LRMDA: variants seen among roughly 807,000 people sequenced by gnomAD.
The protein encoded by LRMDA is leucine rich melanocyte differentiation associated.
LRMDA carries 18 observed loss-of-function variants against 29.8 expected under a neutral mutation model. That is an observed-to-expected ratio of 0.60 (90% confidence interval 0.42 to 0.90). The LOEUF is 0.90. Ranked by LOEUF, LRMDA falls within the 40% of genes least tolerant of loss-of-function variation. The probability of loss-of-function intolerance (pLI) is 0.00; values close to 1 mark genes in which losing one functional copy is unlikely to be tolerated. For synonymous variants in LRMDA, 125 were observed against 109.4 expected, an observed-to-expected ratio of 1.14 and a Z score of -0.89; for missense variants, 273 against 273.9, an observed-to-expected ratio of 1.00 and a Z score of 0.02.
At chr10:76,541,585 T>C (rs974164302) in intron 6 of LRMDA, among the ~76,000 whole-genome samples, 3 of 130,630 alleles carry the variant, frequency 2.3e-5, no homozygotes, top group Non-Finnish European at 5.4e-5. Context: ...TATTGTGTTT[T>C]TGTTTCCAGG....
intron 2 of LRMDA, among the ~76,000 whole-genome samples, chr10:75,924,578 A>G (rs536067807): frequency 6.6e-6 from 1 of 152,314 alleles, no homozygotes; most frequent in East Asian, 1.9e-4. Context: ...GGCTGCCCAG[A>G]GGAGTGTGAA....
At chr10:75,586,388 C>A (rs1840656647) in intron 2 of LRMDA, among the ~76,000 whole-genome samples, 1 of 118,690 alleles carries the variant, frequency 8.4e-6, no homozygotes, top group East Asian at 2.9e-4. Context: ...GACAGGATCT[C>A]ACTCTGTCAC....
rs372659601 is a variant in LRMDA, at chr10:75,851,289, C to G, written c.132-184719C>G. Among the ~76,000 whole-genome samples the G allele has an allele frequency of 1.0e-3, 155 of 152,296 alleles. 3 individuals carry two copies. In the South Asian group the frequency reaches 0.029, roughly 28 times the overall value. On this transcript the variant is annotated intron_variant, in intron 2 of 6. Coordinates refer to ENST00000611255, the MANE Select transcript of LRMDA (RefSeq NM_001305581.2). ...ATGCTTAAATCTCAGGGTTAAAGAA[C>G]TAGATTAGTCCTCTGTGATGCTGGG... is the stretch of plus-strand genomic sequence containing the variant.
intron 2 of LRMDA, among the ~76,000 whole-genome samples, chr10:75,978,935 G>A (rs1368003002): frequency 6.6e-6 from 1 of 152,130 alleles, no homozygotes; most frequent in African/African-American, 2.4e-5. Context: ...CTGTGCAGTG[G>A]CTAAATGTGG....
At chr10:76,121,392 C>T (rs1213524564) in intron 5 of LRMDA, among the ~76,000 whole-genome samples, 1 of 152,150 alleles carries the variant, frequency 6.6e-6, no homozygotes, top group Non-Finnish European at 1.5e-5. Flanking sequence ...GAAGCTGAAT[C>T]AGATGTTTAG....
intron 6 of LRMDA, among the ~76,000 whole-genome samples, chr10:76,553,502 G>T (rs376485855): frequency 6.6e-6 from 1 of 152,194 alleles, no homozygotes; most frequent in Non-Finnish European, 1.5e-5. Context: ...TTGCCATGGC[G>T]GGAGAAGAAG....
intron 6 of LRMDA, among the ~76,000 whole-genome samples, chr10:76,332,650 T>A (rs1310246252): frequency 6.6e-6 from 1 of 152,340 alleles, no homozygotes; most frequent in African/African-American, 2.4e-5. Flanking sequence ...AAGCCTAGAA[T>A]GTACAGGGTG....
chr10:75,441,962 C>T (rs1844331091), intron 2 of LRMDA, among the ~76,000 whole-genome samples: 1 of 152,170 alleles, frequency 6.6e-6, no homozygotes, highest in African/African-American at 2.4e-5. Flanking sequence ...CATGGCACAA[C>T]CTTTAGAAGG....
At chr10:75,886,988 G>T (rs969072999) in intron 2 of LRMDA, among the ~76,000 whole-genome samples, 18 of 152,036 alleles carry the variant, frequency 1.2e-4, no homozygotes, top group African/African-American at 4.3e-4. Flanking sequence ...TCTCTGTTGT[G>T]GTAAGTTCTG....
Position 75,564,321 on chromosome 10 carries a change from A to C in LRMDA, c.131+125827A>C, listed in dbSNP as rs551424404. Among the ~76,000 whole-genome samples the C allele has an allele frequency of 5.3e-5, 8 of 152,294 alleles. No individual in the cohort carries two copies. In the East Asian group the frequency reaches 1.4e-3, roughly 26 times the overall value. On this transcript the variant is annotated intron_variant, in intron 2 of 6. Coordinates refer to ENST00000611255, the MANE Select transcript of LRMDA (RefSeq NM_001305581.2). Reference sequence around the variant, plus strand: ...TGGCAATCATCGAGACTCTGTGGGCATAGGACCCTCTGAGCCAGGTGTGGG... The same window carrying C: ...TGGCAATCATCGAGACTCTGTGGGCCTAGGACCCTCTGAGCCAGGTGTGGG...
intron 6 of LRMDA, among the ~76,000 whole-genome samples, chr10:76,480,621 C>T (rs1842724572): frequency 6.6e-6 from 1 of 151,950 alleles, no homozygotes; most frequent in Non-Finnish European, 1.5e-5. Flanking sequence ...CCAAACATTT[C>T]CTTGCCTCCC....
chr10:76,261,178 C>A lies in LRMDA; in HGVS notation c.517-63223C>A, dbSNP rs375873291. Among the ~76,000 whole-genome samples the A allele has an allele frequency of 7.9e-5, 12 of 151,612 alleles. 1 individual carries two copies. In the South Asian group the frequency reaches 1.0e-3, roughly 13 times the overall value. The stretch of plus-strand genomic sequence containing the variant: ...CTCCTGGGTTCACGCCATTCTCCTG[C>A]CTCAGCCTCCCAAGTAGCTGGGACT... On this transcript the variant is annotated intron_variant, in intron 5 of 6. Transcript: ENST00000611255.
chr10:75,815,688 C>T (rs1038564014), intron 2 of LRMDA, among the ~76,000 whole-genome samples: 1 of 152,208 alleles, frequency 6.6e-6, no homozygotes, highest in Admixed American at 6.5e-5. Context: ...CCAACCCACA[C>T]TGGACATGTA....
At chr10:75,766,212 A>G (rs1206880724) in intron 2 of LRMDA, among the ~76,000 whole-genome samples, 2 of 152,160 alleles carry the variant, frequency 1.3e-5, no homozygotes, top group East Asian at 3.9e-4. Flanking sequence ...AAGTGATTTT[A>G]TCTTATTCAC....
At chr10:76,494,418 G>A (rs1163835338) in intron 6 of LRMDA, among the ~76,000 whole-genome samples, 1 of 146,632 alleles carries the variant, frequency 6.8e-6, no homozygotes, top group Non-Finnish European at 1.5e-5. Flanking sequence ...ACATGAAATT[G>A]TTTACAATGT....
chr10:75,675,625 CT>C (rs1841950210), intron 2 of LRMDA, among the ~76,000 whole-genome samples: 1 of 152,130 alleles, frequency 6.6e-6, no homozygotes, highest in South Asian at 2.1e-4. Context: ...ACCTGTACCC[CT>C]GGACAAGTTA....
At chr10:75,936,865 T>C (rs1415253286) in intron 2 of LRMDA, among the ~76,000 whole-genome samples, 1 of 152,198 alleles carries the variant, frequency 6.6e-6, no homozygotes. Flanking sequence ...ATATGGCTTT[T>C]GGGACACAAA....
At chr10:75,711,233 T>C (rs1842432216) in intron 2 of LRMDA, among the ~76,000 whole-genome samples, 1 of 152,024 alleles carries the variant, frequency 6.6e-6, no homozygotes, top group South Asian at 2.1e-4. Flanking sequence ...GGACAAGGAG[T>C]TGGAATCCTA....
intron 6 of LRMDA, among the ~76,000 whole-genome samples, chr10:76,483,852 A>G (rs1842756173): frequency 6.6e-6 from 1 of 151,884 alleles, no homozygotes; most frequent in South Asian, 2.1e-4. Context: ...ATTATTGTCC[A>G]CATGGATAGC....
Sources: gnomAD v4.1 joint callset for allele counts (sites outside exome capture counted in the v4.1 genomes callset) on GRCh38, gnomAD v4.1.1 for gene constraint, MANE v1.5 for transcripts, NCBI Gene and HGNC (gene_info 2026-07-23, HGNC 2026-07-21) for gene names.